The following LIN7A variants were observed in gnomAD, a reference collection of about 807,000 sequenced individuals.
LIN7A encodes lin-7 cell polarity scaffold A.
In LIN7A, 25 loss-of-function variants were observed where a neutral mutation model predicts 29.8. The observed-to-expected ratio is 0.84, with a 90% confidence interval of 0.61 to 1.17. The LOEUF is 1.17. LIN7A is among the 50% of genes most tolerant of loss of function. The probability of loss-of-function intolerance (pLI) is 0.00; values close to 1 mark genes in which losing one functional copy is unlikely to be tolerated. For synonymous variants in LIN7A, 118 were observed against 107.5 expected (o/e 1.10, Z -0.60); for missense variants, 239 against 287.0 (o/e 0.83, Z 1.21).
chr12:80,836,044 A>G (rs935725497), intron 4 of LIN7A, among the ~76,000 whole-genome samples: 9 of 152,250 alleles, frequency 5.9e-5, no homozygotes, highest in Non-Finnish European at 1.5e-5. Flanking sequence ...CATAATGAAC[A>G]GCCTCAGGAT....
intron 1 of LIN7A, among the ~76,000 whole-genome samples, chr12:80,932,285 G>T (rs1045093661): frequency 2.6e-5 from 4 of 152,142 alleles, no homozygotes; most frequent in African/African-American, 9.7e-5. Flanking sequence ...TTTCCATAAG[G>T]TTGAAATCCA....
At chr12:80,832,646 G>T (rs1181898339) in intron 4 of LIN7A, 1 of 455,756 alleles carries the variant, frequency 2.2e-6, no homozygotes, top group Non-Finnish European at 4.5e-6. Flanking sequence ...GGTAGCTTCC[G>T]TGACATGGCT....
rs577778314 is a variant in LIN7A at position 80,919,040 on chromosome 12, A to G, written c.82+18601T>C. 2.4e-4 allele frequency among the ~76,000 whole-genome samples: 36 copies of G among 152,346 alleles called. 1 individual carries two copies. Among genetic ancestry groups the G allele is most frequent in the African/African-American group, 8.2e-4 (34 of 41,580 alleles). ...ACAGCCTAGGTGTGTAATAGGCTAT[A>G]CTATCTAGGTTTTTATAAGTACACT... On this transcript the variant is annotated intron_variant, in intron 1 of 5. Transcript: ENST00000552864.
chr12:80,815,015 A>G (rs533274448), intron 4 of LIN7A, among the ~76,000 whole-genome samples: 1 of 152,336 alleles, frequency 6.6e-6, no homozygotes, highest in South Asian at 2.1e-4. Flanking sequence ...TTAGAAAGAT[A>G]TTAAGAAATA....
chr12:80,805,104 T>C (rs1397297662), intron 5 of LIN7A, among the ~76,000 whole-genome samples: 1 of 152,188 alleles, frequency 6.6e-6, no homozygotes, highest in Non-Finnish European at 1.5e-5. Flanking sequence ...CATAAGGCTA[T>C]TGTAAAGATT....
At chr12:80,926,616 G>A (rs968960462) in intron 1 of LIN7A, among the ~76,000 whole-genome samples, 4 of 151,894 alleles carry the variant, frequency 2.6e-5, no homozygotes, top group African/African-American at 9.7e-5. Context: ...TTTGTGCTTT[G>A]TTTGATGTGA....
At chr12:80,920,458 T>C (rs1877244709) in intron 1 of LIN7A, among the ~76,000 whole-genome samples, 1 of 152,104 alleles carries the variant, frequency 6.6e-6, no homozygotes, top group Non-Finnish European at 1.5e-5. Flanking sequence ...ATATTGTTGG[T>C]TGTAAGTGAT....
chr12:80,930,830 G>C (rs185725168), intron 1 of LIN7A, among the ~76,000 whole-genome samples: 157 of 152,214 alleles, frequency 1.0e-3, no homozygotes, highest in African/African-American at 3.8e-3. Flanking sequence ...CTTTTGTTTT[G>C]TTTTGTTTTG....
At chr12:80,929,521 C>CA (rs1877774329) in intron 1 of LIN7A, among the ~76,000 whole-genome samples, 2 of 152,118 alleles carry the variant, frequency 1.3e-5, no homozygotes, top group African/African-American at 4.8e-5. Flanking sequence ...ACTAGAAATC[C>CA]AACAATGCAA....
chr12:80,799,357 G>C (rs1870607411), intron 5 of LIN7A, among the ~76,000 whole-genome samples: 1 of 152,026 alleles, frequency 6.6e-6, no homozygotes, highest in Non-Finnish European at 1.5e-5. Flanking sequence ...AGCCATTGTG[G>C]TAGGCAGAAT....
intron 2 of LIN7A, among the ~76,000 whole-genome samples, chr12:80,853,022 G>A (rs1336440695): frequency 1.3e-5 from 2 of 152,188 alleles, no homozygotes; most frequent in African/African-American, 2.4e-5. Context: ...CCAAGGAAGT[G>A]TACAGATGTC....
rs185866640 is a variant in LIN7A, at chr12:80,921,577, C to T, written c.82+16064G>A. Among the ~76,000 whole-genome samples, 583 of 151,466 alleles carry T rather than the reference C, an allele frequency of 3.8e-3. 2 individuals carry two copies. Among genetic ancestry groups the T allele is most frequent in the African/African-American group, 4.6e-3 (187 of 41,052 alleles). On this transcript the variant is annotated intron_variant, in intron 1 of 5. Coordinates refer to ENST00000552864, the MANE Select transcript of LIN7A (RefSeq NM_004664.4). The stretch of plus-strand genomic sequence containing the variant: ...GTTGGGGAGGGTGGGAGGGAGCATG[C>T]TCTGCTCTCCTCTTCTTAGAAGGCT...
At chr12:80,873,430 G>A (rs1874520829) in intron 2 of LIN7A, among the ~76,000 whole-genome samples, 1 of 151,912 alleles carries the variant, frequency 6.6e-6, no homozygotes, top group Non-Finnish European at 1.5e-5. Context: ...CTACTCAGGA[G>A]GCTGAGGTAG....
chr12:80,883,035 G>A (rs1875144607), intron 2 of LIN7A, among the ~76,000 whole-genome samples: 1 of 151,948 alleles, frequency 6.6e-6, no homozygotes, highest in African/African-American at 2.4e-5. Context: ...TTCAGTATCA[G>A]CTTTACTTCC....
At chr12:80,819,339 T>A (rs1327971488) in intron 4 of LIN7A, among the ~76,000 whole-genome samples, 1 of 152,208 alleles carries the variant, frequency 6.6e-6, no homozygotes, top group Non-Finnish European at 1.5e-5. Flanking sequence ...CTTTTTTGAT[T>A]AAGAAAAGTG....
intron 4 of LIN7A, among the ~76,000 whole-genome samples, chr12:80,830,420 G>T (rs1592870933): frequency 6.6e-6 from 1 of 152,092 alleles, no homozygotes; most frequent in African/African-American, 2.4e-5. Flanking sequence ...GATTTACTGA[G>T]AACTAAAGGG....
intron 4 of LIN7A, among the ~76,000 whole-genome samples, chr12:80,833,249 T>C (rs1299944480): frequency 1.3e-5 from 2 of 152,172 alleles, no homozygotes; most frequent in Non-Finnish European, 2.9e-5. Context: ...CTGAACCATC[T>C]TTTCTGCTGT....
intron 1 of LIN7A, among the ~76,000 whole-genome samples, chr12:80,896,307 T>C (rs1392554535): frequency 2.0e-5 from 3 of 152,220 alleles, no homozygotes; most frequent in African/African-American, 4.8e-5. Context: ...CGACAAGCGA[T>C]AGTAACAGTG....
chr12:80,894,152 G>T (rs1377880868), intron 1 of LIN7A, among the ~76,000 whole-genome samples: 2 of 152,194 alleles, frequency 1.3e-5, no homozygotes, highest in Non-Finnish European at 2.9e-5. Flanking sequence ...AATAAAGTGT[G>T]TGTAGTTTAT....
Sources: gnomAD v4.1 joint callset for allele counts (sites outside exome capture counted in the v4.1 genomes callset) on GRCh38, gnomAD v4.1.1 for gene constraint, MANE v1.5 for transcripts, NCBI Gene and HGNC (gene_info 2026-07-23, HGNC 2026-07-21) for gene names.